Variants in GFRA2 observed in about 807,000 individuals in gnomAD.
GFRA2 encodes GDNF family receptor alpha 2.
GFRA2 carries 17 observed loss-of-function variants against 48.3 expected under a neutral mutation model. The ratio of observed to expected loss-of-function variants is 0.35; its 90% CI spans 0.24 to 0.53. The LOEUF (loss-of-function observed/expected upper bound fraction) is 0.53. Ranked by LOEUF, GFRA2 falls within the 20% of genes least tolerant of loss-of-function variation. The pLI, the probability that GFRA2 is intolerant of heterozygous loss-of-function variation, is 0.93. For missense variants in GFRA2, 660 were observed against 637.3 expected (o/e 1.04, Z -0.38); for synonymous variants, 305 against 257.2 (o/e 1.19, Z -1.78).
intron 3 of GFRA2, among the ~76,000 whole-genome samples, chr8:21,758,565 C>T (rs149648646): frequency 0.025 from 3,752 of 152,226 alleles, 156 homozygotes; most frequent in African/African-American, 0.087. Context: ...ACTACTTAAA[C>T]AGGGGTTAAA....
chr8:21,754,631 C>T (rs1015831188), intron 3 of GFRA2, among the ~76,000 whole-genome samples: 5 of 151,584 alleles, frequency 3.3e-5, no homozygotes, highest in Non-Finnish European at 4.4e-5. Context: ...GCTTCAGCCT[C>T]CTGAGTAGCT....
chr8:21,694,545 C>G, intron 7 of GFRA2, 28 bp from the exon 8 acceptor site: 1 of 1,601,080 alleles, frequency 6.2e-7, no homozygotes, highest in Non-Finnish European at 8.5e-7. Context: ...CCAGTCAGGA[C>G]GAGTCACCAG....
chr8:21,761,552 G>A (rs1805911653), intron 3 of GFRA2, among the ~76,000 whole-genome samples: 1 of 152,182 alleles, frequency 6.6e-6, no homozygotes, highest in Non-Finnish European at 1.5e-5. Context: ...ACATCTACCT[G>A]CCTTACACAG....
chr8:21,764,214 C>T (rs1806046486), intron 3 of GFRA2, among the ~76,000 whole-genome samples: 3 of 152,156 alleles, frequency 2.0e-5, no homozygotes, highest in South Asian at 2.1e-4. Flanking sequence ...AGTCCAACAT[C>T]GAGGTGCTGG....
chr8:21,779,092 C>A (rs897650745), intron 2 of GFRA2, among the ~76,000 whole-genome samples: 1 of 151,522 alleles, frequency 6.6e-6, no homozygotes, highest in Non-Finnish European at 1.5e-5. Flanking sequence ...CCCAGCTACA[C>A]GGGAGGCTGA....
intron 4 of GFRA2, among the ~76,000 whole-genome samples, chr8:21,724,387 G>C (rs527549376): frequency 3.3e-5 from 5 of 152,282 alleles, no homozygotes; most frequent in African/African-American, 1.2e-4. Flanking sequence ...TGCCACGCTG[G>C]AATGGAGCAC....
chr8:21,723,315 C>T (rs1803694280), intron 4 of GFRA2, among the ~76,000 whole-genome samples: 1 of 152,180 alleles, frequency 6.6e-6, no homozygotes, highest in Non-Finnish European at 1.5e-5. Context: ...GGGTCTCTCT[C>T]ACCACCCTTC....
At chr8:21,767,958 CAGAG>C (rs71251953) in intron 3 of GFRA2, among the ~76,000 whole-genome samples, 8 of 148,222 alleles carry the variant, frequency 5.4e-5, no homozygotes, top group Admixed American at 2.0e-4. Flanking sequence ...CTGGCGTTGA[CAGAG>C]AGAGAGAGAG....
At chr8:21,742,325 A>ATC (rs905620987) in intron 4 of GFRA2, among the ~76,000 whole-genome samples, 33 of 152,046 alleles carry the variant, frequency 2.2e-4, no homozygotes, top group African/African-American at 7.7e-4. Flanking sequence ...CAACAGATTG[A>ATC]TCTCTCTCTT....
intron 4 of GFRA2, among the ~76,000 whole-genome samples, chr8:21,737,335 G>T (rs1001435154): frequency 6.6e-6 from 1 of 152,052 alleles, no homozygotes; most frequent in Admixed American, 6.5e-5. Flanking sequence ...CGCCATTGCA[G>T]TCCAGCCTGG....
chr8:21,735,123 T>G (rs1804385700), intron 4 of GFRA2, among the ~76,000 whole-genome samples: 3 of 152,214 alleles, frequency 2.0e-5, no homozygotes, highest in Non-Finnish European at 4.4e-5. Context: ...CTCGGGCACA[T>G]GTCATCAGGA....
chr8:21,709,550 C>CA (rs1176382057), intron 4 of GFRA2, among the ~76,000 whole-genome samples: 1 of 152,170 alleles, frequency 6.6e-6, no homozygotes, highest in Non-Finnish European at 1.5e-5. Flanking sequence ...AGCGTGGACG[C>CA]AACATCAGAA....
At chr8:21,764,747 T>C (rs1380215752) in intron 3 of GFRA2, among the ~76,000 whole-genome samples, 1 of 152,228 alleles carries the variant, frequency 6.6e-6, no homozygotes, top group Non-Finnish European at 1.5e-5. Context: ...TCTTGGGACC[T>C]TTCCCAACAG....
At chr8:21,724,345 G>T (rs1272883946) in intron 4 of GFRA2, among the ~76,000 whole-genome samples, 1 of 152,134 alleles carries the variant, frequency 6.6e-6, no homozygotes, top group East Asian at 1.9e-4. Context: ...TTGGTGCGGG[G>T]CTGTTGAGAA....
At position 21,694,075 on chromosome 8, in the gene GFRA2, TTTTA is replaced by T. The variant is rs1428021268; in HGVS notation, c.1272+385_1272+388del. Among the ~76,000 whole-genome samples, 220 of 49,136 alleles carry T rather than the reference TTTTA, an allele frequency of 4.5e-3. 23 individuals carry two copies. The highest frequency in any genetic ancestry group is 5.8e-3 in the Non-Finnish European group (144 of 25,036). The allele number at this position is 49,136 out of a possible 152,430, so 32.2% of individuals were successfully genotyped here. On this transcript the variant is annotated intron_variant, in intron 8 of 8. Transcript: ENST00000524240. ...TATATTTATATATATATTTATTTAT[TTTTA>T]TATATATATATATTTCCTATAGTGG... is the stretch of plus-strand genomic sequence containing the variant.
chr8:21,694,594 G>C, intron 7 of GFRA2, 77 bp from the exon 8 acceptor site: 3 of 1,370,634 alleles, frequency 2.2e-6, no homozygotes, highest in Non-Finnish European at 3.1e-6. Context: ...ACTTAGATGA[G>C]GCCCCGCCAT....
intron 4 of GFRA2, among the ~76,000 whole-genome samples, chr8:21,719,964 T>A (rs1408953727): frequency 1.3e-5 from 2 of 152,144 alleles, no homozygotes; most frequent in Non-Finnish European, 2.9e-5. Context: ...CCAGCCTTCA[T>A]TCTTCCCATT....
At chr8:21,730,427 C>T (rs1057217708) in intron 4 of GFRA2, among the ~76,000 whole-genome samples, 2 of 151,912 alleles carry the variant, frequency 1.3e-5, no homozygotes, top group Non-Finnish European at 2.9e-5. Flanking sequence ...GTTACCCATC[C>T]TCTCGCAACA....
intron 3 of GFRA2, among the ~76,000 whole-genome samples, chr8:21,753,996 T>C (rs1041267608): frequency 6.6e-6 from 1 of 152,290 alleles, no homozygotes; most frequent in Non-Finnish European, 1.5e-5. Flanking sequence ...ACCACAGCCA[T>C]ACAACCACTC....
Sources: gnomAD v4.1 joint callset for allele counts (sites outside exome capture counted in the v4.1 genomes callset) on GRCh38, gnomAD v4.1.1 for gene constraint, MANE v1.5 for transcripts, NCBI Gene and HGNC (gene_info 2026-07-23, HGNC 2026-07-21) for gene names.